MFHAS1: variants seen among roughly 807,000 people sequenced by gnomAD.
MFHAS1 encodes the protein malignant fibrous histiocytoma-amplified sequence 1.
In MFHAS1, 50 loss-of-function variants were observed where a neutral mutation model predicts 70.4. The observed-to-expected ratio is 0.71, with a 90% CI of 0.57 to 0.90. The LOEUF is 0.90. Among genes scored for constraint, MFHAS1 ranks in the 40% least tolerant of loss-of-function variants. The probability of loss-of-function intolerance (pLI) is 0.00; values close to 1 mark genes in which losing one functional copy is unlikely to be tolerated. For missense variants in MFHAS1, 1,795 were observed against 1,347.6 expected, an observed-to-expected ratio of 1.33 and a Z score of -5.20; for synonymous variants, 952 against 620.0, an observed-to-expected ratio of 1.54 and a Z score of -7.96.
At chr8:8,871,066 G>A (rs774650070) in intron 1 of MFHAS1, among the ~76,000 whole-genome samples, 16 of 152,200 alleles carry the variant, frequency 1.1e-4, no homozygotes, top group Admixed American at 7.2e-4. Flanking sequence ...TGGGTGACAA[G>A]CTATTGCCTT....
chr8:8,883,431 G>C (rs1396978608), intron 1 of MFHAS1, among the ~76,000 whole-genome samples: 3 of 150,584 alleles, frequency 2.0e-5, no homozygotes, highest in Non-Finnish European at 3.0e-5. Flanking sequence ...CCATGGGCCA[G>C]GCGCAGTGGC....
intron 1 of MFHAS1, among the ~76,000 whole-genome samples, chr8:8,854,402 T>A (rs1339366095): frequency 6.6e-6 from 1 of 151,898 alleles, no homozygotes; most frequent in Non-Finnish European, 1.5e-5. Context: ...GCGCCTACAG[T>A]CCCAGCTACT....
intron 1 of MFHAS1, among the ~76,000 whole-genome samples, chr8:8,824,637 A>G (rs760424152): frequency 1.3e-5 from 2 of 152,178 alleles, no homozygotes; most frequent in African/African-American, 2.4e-5. Context: ...CTCATGTAAC[A>G]TAAGATCCTG....
intron 1 of MFHAS1, among the ~76,000 whole-genome samples, chr8:8,802,074 G>A (rs1806100940): frequency 6.6e-6 from 1 of 152,178 alleles, no homozygotes; most frequent in Non-Finnish European, 1.5e-5. Flanking sequence ...AAGAAAAGAT[G>A]ACCACAGCAG....
chr8:8,859,758 G>A (rs1184811500), intron 1 of MFHAS1, among the ~76,000 whole-genome samples: 1 of 152,166 alleles, frequency 6.6e-6, no homozygotes, highest in Non-Finnish European at 1.5e-5. Context: ...GCTATTGACT[G>A]TTAATGCTAT....
At chr8:8,828,275 T>C (rs1357991217) in intron 1 of MFHAS1, among the ~76,000 whole-genome samples, 1 of 152,236 alleles carries the variant, frequency 6.6e-6, no homozygotes, top group Non-Finnish European at 1.5e-5. Flanking sequence ...CAGGAACTGT[T>C]TAACAAGATA....
chr8:8,884,310 G>A (rs1221595132), intron 1 of MFHAS1, among the ~76,000 whole-genome samples: 3 of 151,910 alleles, frequency 2.0e-5, no homozygotes, highest in Non-Finnish European at 1.5e-5. Context: ...AAAGTCCCAG[G>A]GAGTTCAGAG....
At chr8:8,855,832 G>A (rs371312627) in intron 1 of MFHAS1, among the ~76,000 whole-genome samples, 15 of 152,120 alleles carry the variant, frequency 9.9e-5, no homozygotes, top group African/African-American at 2.9e-4. Context: ...CTCCAGCTTC[G>A]GCAACAGAGT....
chr8:8,861,030 T>C (rs531607617), intron 1 of MFHAS1, among the ~76,000 whole-genome samples: 64 of 152,364 alleles, frequency 4.2e-4, no homozygotes, highest in African/African-American at 1.5e-3. Context: ...ACAGAAAGTC[T>C]ACACGTGCCT....
chr8:8,786,528 G>GT (rs886167088), intron 2 of MFHAS1, among the ~76,000 whole-genome samples: 1 of 152,152 alleles, frequency 6.6e-6, no homozygotes, highest in Non-Finnish European at 1.5e-5. Context: ...AATGTTATAA[G>GT]TTAAGTTGTC....
intron 1 of MFHAS1, among the ~76,000 whole-genome samples, chr8:8,889,574 AC>A (rs1279985598): frequency 2.6e-5 from 4 of 152,220 alleles, no homozygotes; most frequent in Non-Finnish European, 5.9e-5. Context: ...CATCTCATGC[AC>A]CCCACAAATA....
chr8:8,796,468 G>C (rs929335576), intron 2 of MFHAS1, among the ~76,000 whole-genome samples: 1 of 152,044 alleles, frequency 6.6e-6, no homozygotes, highest in Non-Finnish European at 1.5e-5. Context: ...CGGATCCCGA[G>C]GTCAGGAGAT....
Position 8,814,081 on chromosome 8 carries a change from G to A in MFHAS1, c.2999-16590C>T, listed in dbSNP as rs551829741. The stretch of plus-strand genomic sequence containing the variant: ...GCCTCCCAAGTAGCTGGGATTACAG[G>A]TGTGTGCCACCACGCCCAGCTAATT... On this transcript the variant is annotated intron_variant, in intron 1 of 2. Coordinates refer to ENST00000276282, the MANE Select transcript of MFHAS1 (RefSeq NM_004225.3). Among the ~76,000 whole-genome samples, 3 of 152,108 alleles carry A rather than the reference G, an allele frequency of 2.0e-5. No individual in the cohort carries two copies. The East Asian group carries it at 5.8e-4, about 29-fold the overall frequency.
intron 1 of MFHAS1, among the ~76,000 whole-genome samples, chr8:8,843,211 G>T (rs1004486927): frequency 2.0e-5 from 3 of 151,572 alleles, no homozygotes; most frequent in African/African-American, 4.9e-5. Context: ...GGAGCTTGCA[G>T]TGAGCCGAGA....
Position 8,861,867 on chromosome 8 carries a change from G to C in MFHAS1, c.2998+28194C>G, listed in dbSNP as rs1425021897. ...CTTTCACTCAGCATAATGCTTTTGA[G>C]AGTCATCCATGTCGCTTTATCAGTA... On this transcript the variant is annotated intron_variant, in intron 1 of 2. Transcript: ENST00000276282. Among the ~76,000 whole-genome samples, 4 of 152,286 alleles carry C rather than the reference G, an allele frequency of 2.6e-5. No homozygotes were observed. The East Asian group carries it at 7.7e-4, about 29-fold the overall frequency.
chr8:8,886,362 C>G (rs1490028956), intron 1 of MFHAS1, among the ~76,000 whole-genome samples: 1 of 151,972 alleles, frequency 6.6e-6, no homozygotes, highest in African/African-American at 2.4e-5. Context: ...GACACGGAGT[C>G]TGGCTACATT....
chr8:8,786,089 G>C (rs748331567), intron 2 of MFHAS1, 34 bp from the exon 3 acceptor site: 5 of 1,595,776 alleles, frequency 3.1e-6, no homozygotes, highest in African/African-American at 2.7e-5. Context: ...GCACAGAGAT[G>C]ACAAAAACGT....
chr8:8,864,479 T>C (rs1327954527), intron 1 of MFHAS1, among the ~76,000 whole-genome samples: 2 of 152,254 alleles, frequency 1.3e-5, no homozygotes, highest in East Asian at 3.8e-4. Context: ...ACCAAATTCA[T>C]ATCCTAAATA....
chr8:8,892,819 C>A lies in MFHAS1; in HGVS notation c.240G>T (p.Glu80Asp). ...GGCTGCCCAGCGCCGACCCCAGCCCCTCGGGTACCTCCTCCAGGCCGTTGT... is the reference window on the plus strand; with the variant it reads ...GGCTGCCCAGCGCCGACCCCAGCCCATCGGGTACCTCCTCCAGGCCGTTGT... ...LGNNGLEEVP[E>D]GLGSALGSLR... is the part of the protein sequence containing the mutation. The change falls in exon 1 of 3, where the codon GAG becomes GAT. Residue 80 changes from glutamate (E) to aspartate (D), a missense_variant. Physicochemically the swap from Glu to Asp is conservative, Grantham distance 45. Transcript: ENST00000276282. The surrounding 1 kb of genome is among the most constrained non-coding windows in gnomAD (Gnocchi z 4.7). 6.3e-7 allele frequency: 1 copy of A among 1,592,646 alleles called. No individual in the cohort carries two copies.
Sources: gnomAD v4.1 joint callset for allele counts (sites outside exome capture counted in the v4.1 genomes callset) on GRCh38, gnomAD v4.1.1 for gene constraint, Gnocchi (gnomAD v3.1) non-coding constraint, MANE v1.5 for transcripts, NCBI Gene and HGNC (gene_info 2026-07-23, HGNC 2026-07-21) for gene names.